PPARGC1A: variants seen among roughly 807,000 people sequenced by gnomAD.
PPARGC1A encodes the protein peroxisome proliferator-activated receptor gamma coactivator 1-alpha.
PPARGC1A carries 25 observed loss-of-function variants against 88.7 expected under a neutral mutation model. That is an observed-to-expected ratio of 0.28 (90% confidence interval 0.21 to 0.39). PPARGC1A has a LOEUF of 0.39. Ranked by LOEUF, PPARGC1A falls within the 10% of genes least tolerant of loss-of-function variation. The probability of loss-of-function intolerance (pLI) is 1.00; values close to 1 mark genes in which losing one functional copy is unlikely to be tolerated. For missense variants in PPARGC1A, 880 were observed against 968.7 expected, an observed-to-expected ratio of 0.91 and a Z score of 1.22; for synonymous variants, 363 against 355.6, an observed-to-expected ratio of 1.02 and a Z score of -0.24.
the PPARGC1A span, among the ~76,000 whole-genome samples, chr4:24,425,596 A>G: frequency 6.6e-6 from 1 of 152,246 alleles, no homozygotes; most frequent in Non-Finnish European, 1.5e-5. Flanking sequence ...AACAGAAGAT[A>G]CAAGGAAAAT....
chr4:24,002,601 CTGCTT>C, the PPARGC1A span, among the ~76,000 whole-genome samples: 76 of 134,518 alleles, frequency 5.6e-4, 1 homozygote, highest in African/African-American at 1.7e-3. Context: ...AAAGTGCATG[CTGCTT>C]TTTTTTTTTT....
chr4:24,164,709 T>C, the PPARGC1A span, among the ~76,000 whole-genome samples: 1 of 152,182 alleles, frequency 6.6e-6, no homozygotes, highest in South Asian at 2.1e-4. Flanking sequence ...CCACATTACA[T>C]AGAATGCACA....
the PPARGC1A span, among the ~76,000 whole-genome samples, chr4:24,467,026 G>GAAAGAAAGAAAGAAAGAAAGAA: frequency 3.7e-5 from 5 of 134,136 alleles, no homozygotes; most frequent in Admixed American, 8.2e-5. Flanking sequence ...AAGAAAGAAA[G>GAAAGAAAGAAAGAAAGAAAGAA]AAAGAGAAAG....
chr4:24,125,824 A>C, the PPARGC1A span, among the ~76,000 whole-genome samples: 271 of 152,318 alleles, frequency 1.8e-3, no homozygotes, highest in African/African-American at 5.4e-3. Flanking sequence ...GCTGCAAGGA[A>C]TGTGGCTCAC....
the PPARGC1A span, among the ~76,000 whole-genome samples, chr4:24,145,105 G>GTC: frequency 7.0e-6 from 1 of 142,664 alleles, no homozygotes; most frequent in East Asian, 2.0e-4. Context: ...GTGTGTGTGT[G>GTC]TGTGTGTACA....
At chr4:23,898,614 A>G (rs780065195) in intron 1 of PPARGC1A, among the ~76,000 whole-genome samples, 1 of 152,208 alleles carries the variant, frequency 6.6e-6, no homozygotes, top group African/African-American at 2.4e-5. Flanking sequence ...AACCAGGAAG[A>G]AGAAGCAATA....
the PPARGC1A span, among the ~76,000 whole-genome samples, chr4:24,397,066 A>G: frequency 2.6e-3 from 398 of 152,372 alleles, 3 homozygotes; most frequent in Middle Eastern, 0.024. Context: ...AAATGACTCC[A>G]TGCACATGAG....
At chr4:24,355,696 A>T in the PPARGC1A span, among the ~76,000 whole-genome samples, 15 of 152,210 alleles carry the variant, frequency 9.9e-5, no homozygotes, top group Non-Finnish European at 1.3e-4. Context: ...TGGCTGGAAA[A>T]GAGCAAAGTG....
chr4:23,802,112 C>T, intron 11 of PPARGC1A, 112 bp downstream of exon 11: 1 of 1,453,516 alleles, frequency 6.9e-7, no homozygotes, highest in East Asian at 2.3e-5. Context: ...CTGAACTCAA[C>T]ATGTCATCTG....
At chr4:23,989,338 T>G in the PPARGC1A span, among the ~76,000 whole-genome samples, 1 of 152,026 alleles carries the variant, frequency 6.6e-6, no homozygotes, top group East Asian at 1.9e-4. Context: ...ATGTATGCTT[T>G]GTCTTCATAA....
the PPARGC1A span, among the ~76,000 whole-genome samples, chr4:24,254,228 T>C: frequency 6.6e-6 from 1 of 152,186 alleles, no homozygotes; most frequent in Non-Finnish European, 1.5e-5. Context: ...AGTTATGCCT[T>C]GCAGCAACAT....
chr4:24,166,962 T>A, the PPARGC1A span, among the ~76,000 whole-genome samples: 1 of 152,220 alleles, frequency 6.6e-6, no homozygotes, highest in Non-Finnish European at 1.5e-5. Flanking sequence ...TAATTTCAAT[T>A]TTCAAGTCTT....
At chr4:24,455,202 C>T in the PPARGC1A span, among the ~76,000 whole-genome samples, 1 of 152,152 alleles carries the variant, frequency 6.6e-6, no homozygotes, top group Non-Finnish European at 1.5e-5. Context: ...ATGAATGGGG[C>T]CGGGGCAGTG....
chr4:23,889,265 A>C (rs1717428803), intron 1 of PPARGC1A: 2 of 985,318 alleles, frequency 2.0e-6, no homozygotes, highest in South Asian at 9.4e-5. Context: ...CACCGACGCG[A>C]ACGGAAAACC....
At chr4:24,291,646 C>T in the PPARGC1A span, among the ~76,000 whole-genome samples, 1 of 152,214 alleles carries the variant, frequency 6.6e-6, no homozygotes, top group Admixed American at 6.5e-5. Context: ...AACCGCCTTC[C>T]ATCCGAAGTC....
chr4:24,441,586 G>A, the PPARGC1A span, among the ~76,000 whole-genome samples: 1 of 152,264 alleles, frequency 6.6e-6, no homozygotes, highest in Admixed American at 6.5e-5. Context: ...ATGTCCTGTT[G>A]CTGCCCCAGC....
chr4:24,095,262 C>T, the PPARGC1A span, among the ~76,000 whole-genome samples: 7 of 151,950 alleles, frequency 4.6e-5, no homozygotes, highest in Admixed American at 4.6e-4. Context: ...GGACTACAGG[C>T]ACACACTACC....
the PPARGC1A span, among the ~76,000 whole-genome samples, chr4:24,022,332 T>A: frequency 6.6e-6 from 1 of 152,162 alleles, no homozygotes. Flanking sequence ...TCCAACTATG[T>A]CTTTCCCTCC....
the PPARGC1A span, among the ~76,000 whole-genome samples, chr4:23,950,156 C>CT: frequency 2.6e-5 from 4 of 152,112 alleles, no homozygotes; most frequent in African/African-American, 4.8e-5. Flanking sequence ...AATCCACTCT[C>CT]TAGAAAGGTA....
Sources: allele counts gnomAD v4.1 joint callset (sites outside exome capture counted in the v4.1 genomes callset), GRCh38; gene constraint gnomAD v4.1.1; transcripts MANE v1.5; gene names NCBI Gene and HGNC (gene_info 2026-07-23, HGNC 2026-07-21).